Variants in SYCP3 observed in about 807,000 individuals in gnomAD.
SYCP3 encodes the protein synaptonemal complex protein 3.
Under a neutral mutation model 38.5 loss-of-function variants are expected in SYCP3, and 29 were observed. The observed-to-expected ratio is 0.75, with a 90% CI of 0.56 to 1.03. The LOEUF (loss-of-function observed/expected upper bound fraction) is 1.03, where lower values mean the gene tolerates loss of function less well. Ranked by LOEUF, SYCP3 falls within the 50% of genes least tolerant of loss-of-function variation. SYCP3 has a pLI of 0.00. For synonymous variants in SYCP3, 79 were observed against 80.3 expected (o/e 0.98, Z 0.08); for missense variants, 242 against 270.7 (o/e 0.89, Z 0.74).
chr12:101,738,918 G>A (rs1432483842), intron 1 of SYCP3, among the ~76,000 whole-genome samples: 2 of 152,326 alleles, frequency 1.3e-5, no homozygotes, highest in East Asian at 3.9e-4. Context: ...GTTGCTGGCG[G>A]GACACGACAT....
intron 4 of SYCP3, among the ~76,000 whole-genome samples, chr12:101,736,758 A>C (rs907007571): frequency 6.6e-6 from 1 of 151,850 alleles, no homozygotes; most frequent in African/African-American, 2.4e-5. Context: ...TAGTCTGTGA[A>C]TACAAAGAAG....
chr12:101,734,888 C>G lies in SYCP3; in HGVS notation c.353+39G>C, dbSNP rs764150030. 2.3e-6 allele frequency: 3 copies of G among 1,313,908 alleles called. No homozygotes were observed. The South Asian group carries it at 3.5e-5, about 16-fold the overall frequency. 81.4% of individuals were successfully genotyped at this position (1,313,908 alleles called of 1,614,324 possible). The stretch of plus-strand genomic sequence containing the variant: ...CATAAGTAATTTATACCAGTAAATA[C>G]TAAGAAATGTGGCTCTAAAAAAAAA... On this transcript the variant is annotated intron_variant, in intron 5 of 8. Coordinates refer to ENST00000392924, the MANE Select transcript of SYCP3 (RefSeq NM_001177949.2).
At chr12:101,731,967 C>A in intron 6 of SYCP3, 1 of 256,096 alleles carries the variant, frequency 3.9e-6, no homozygotes, top group Non-Finnish European at 7.6e-6. Flanking sequence ...CGTTTCGTGA[C>A]CTGTTTCTCA....
chr12:101,734,493 T>C (rs949573890), intron 5 of SYCP3, among the ~76,000 whole-genome samples: 1 of 152,204 alleles, frequency 6.6e-6, no homozygotes, highest in Non-Finnish European at 1.5e-5. Flanking sequence ...ATAATGTCAA[T>C]TCTATGAAGG....
In SYCP3 at chr12:101,733,627, T is replaced by A; in HGVS notation, c.401A>T (p.Gln134Leu). 1 of 1,612,388 alleles carries A rather than the reference T, an allele frequency of 6.2e-7. No individual in the cohort carries two copies. The highest frequency in any genetic ancestry group is 8.5e-7 in the Non-Finnish European group (1 of 1,179,966). ...TTTCTGCATATCTAAATCCCACTGC[T>A]GAAACAAAGTCAGAAACTGCTGAGA... ...EYSQQFLTLFQQWDLDMQKAE... is the reference protein window; with the variant it reads ...EYSQQFLTLFLQWDLDMQKAE... The change falls in exon 6 of 9, where the codon CAG becomes CTG. Residue 134 changes from glutamine to leucine, a missense_variant. By Grantham distance (113) the Gln-to-Leu change is moderately radical. Coordinates refer to ENST00000392924, the MANE Select transcript of SYCP3 (RefSeq NM_001177949.2).
chr12:101,729,705 A>T (rs2137044350), intron 7 of SYCP3: 1 of 154,024 alleles, frequency 6.5e-6, no homozygotes, highest in African/African-American at 2.4e-5. Flanking sequence ...GGTGTGTATT[A>T]AGTGCTGTAG....
Position 101,737,822 on chromosome 12 carries a change from T to G in SYCP3, c.114A>C (p.Ser38=). The G allele has an allele frequency of 6.2e-7, 1 of 1,614,240 alleles. No homozygotes were observed. Among genetic ancestry groups the G allele is most frequent in the Non-Finnish European group, 8.5e-7 (1 of 1,180,048 alleles). ...CTGCACCTTCAATAACATCTTCCTC[T>G]GATCCACTCAGATCTTTCTTATCTT... The part of the protein sequence containing the change: ...ETEDKKDLSG[S]EEDVIEGKTA... The change falls in exon 2 of 9, where the codon TCA becomes TCC. Residue 38 remains serine (S), a synonymous_variant. Coordinates refer to ENST00000392924, the MANE Select transcript of SYCP3 (RefSeq NM_001177949.2).
intron 4 of SYCP3, among the ~76,000 whole-genome samples, chr12:101,736,232 A>G (rs893808186): frequency 3.3e-5 from 5 of 152,130 alleles, no homozygotes; most frequent in Admixed American, 6.6e-5. Context: ...ATGCTTTGCT[A>G]AACATAAGCC....
At chr12:101,735,078 T>G (rs1051640675) in intron 4 of SYCP3, 34 bp from the exon 5 acceptor site, 1 of 1,457,206 alleles carries the variant, frequency 6.9e-7, no homozygotes, top group Admixed American at 1.7e-5. Context: ...TAAAATTTAA[T>G]GTTGAAAAAA....
intron 2 of SYCP3, 96 bp downstream of exon 2, chr12:101,737,707 T>G (rs1276851622): frequency 1.3e-6 from 2 of 1,570,446 alleles, no homozygotes; most frequent in African/African-American, 2.7e-5. Context: ...AGACCATACC[T>G]GAAAATGCTT....
Position 101,734,937 on chromosome 12 carries a change from G to C in SYCP3, c.343C>G (p.Gln115Glu). The C allele has an allele frequency of 1.9e-6, 3 of 1,607,106 alleles. No individual in the cohort carries two copies. Among genetic ancestry groups the C allele is most frequent in the Non-Finnish European group, 2.6e-6 (3 of 1,173,916 alleles). Residue 115 changes from glutamine (Q) to glutamate (E), a missense_variant, in exon 5 of 9, where the codon CAA becomes GAA. Coordinates refer to ENST00000392924, the MANE Select transcript of SYCP3 (RefSeq NM_001177949.2). ...QKIEHVWKTQ[Q>E]DQRQKLNQEY... The stretch of plus-strand genomic sequence containing the variant: ...AAGCAACCACCTTACCTTTGATCTT[G>C]TTGTGTTTTCCAAACATGTTCAATT...
chr12:101,735,871 A>ATATATATATATATTTTT lies in SYCP3; in HGVS notation c.236-828_236-827insAAAAATATATATATATA. On this transcript the variant is annotated intron_variant, in intron 4 of 8. Coordinates refer to ENST00000392924, the MANE Select transcript of SYCP3 (RefSeq NM_001177949.2). Reference sequence around the variant, plus strand: ...CAATTTTATATATATATATATATATATTTTTTTTTTTTTAAAGACACGGGG... The same window carrying ATATATATATATATTTTT: ...CAATTTTATATATATATATATATATATATATATATATATTTTTTTTTTTTTTTTTTAAAGACACGGGG... Among the ~76,000 whole-genome samples, 44 of 74,744 alleles carry ATATATATATATATTTTT rather than the reference A, an allele frequency of 5.9e-4. 4 individuals are homozygous for ATATATATATATATTTTT. Among genetic ancestry groups the ATATATATATATATTTTT allele is most frequent in the African/African-American group, 2.7e-3 (43 of 15,922 alleles). The allele number at this position is 74,744 out of a possible 152,430, so 49.0% of individuals were successfully genotyped here.
rs551822370 is a variant in SYCP3 at position 101,733,856 on chromosome 12, TAACA to T, written c.354-186_354-183del. 2.2e-4 allele frequency among the ~76,000 whole-genome samples: 33 copies of T among 152,314 alleles called. 1 individual carries two copies. The South Asian group carries it at 6.2e-3, about 29-fold the overall frequency. ...ACTGATTCCAGAAGTATTTTTTTTC[TAACA>T]AACTAATAGAAGAAAAGCCCTGTCA... is the stretch of plus-strand genomic sequence containing the variant. On this transcript the variant is annotated intron_variant, in intron 5 of 8. Transcript: ENST00000392924.
rs1486548170 is a variant in SYCP3, at chr12:101,728,920, A to C, written c.*7T>G. 1 of 1,613,386 alleles carries C rather than the reference A, an allele frequency of 6.2e-7. No homozygotes were observed. On this transcript the variant is annotated 3_prime_UTR_variant, in exon 9 of 9. Coordinates refer to ENST00000392924, the MANE Select transcript of SYCP3 (RefSeq NM_001177949.2). Reference sequence around the variant, plus strand: ...ACTTAGGTTCAAGTTCTTTCTTCAAAGAGTCATCAGAATAACATGGATTGA... The same window carrying C: ...ACTTAGGTTCAAGTTCTTTCTTCAACGAGTCATCAGAATAACATGGATTGA...
At chr12:101,735,871 A>ATATATATATATATATATATTTTTTTTTTT in intron 4 of SYCP3, among the ~76,000 whole-genome samples, 356 of 74,054 alleles carry the variant, frequency 4.8e-3, no homozygotes, top group Middle Eastern at 7.0e-3. Flanking sequence ...ATATATATAT[A>ATATATATATATATATATATTTTTTTTTTT]TTTTTTTTTT....
At chr12:101,737,342 G>C in intron 2 of SYCP3, 44 bp from the exon 3 acceptor site, 1 of 1,505,794 alleles carries the variant, frequency 6.6e-7, no homozygotes, top group Non-Finnish European at 9.0e-7. Flanking sequence ...TTTTGAAACT[G>C]AATAGGTTAT....
At chr12:101,731,858 A>G (rs1349657182) in intron 6 of SYCP3, 192 bp from the exon 7 acceptor site, 4 of 424,948 alleles carry the variant, frequency 9.4e-6, no homozygotes, top group Non-Finnish European at 1.7e-5. Context: ...TAATTCTACC[A>G]GTTGCTGAAT....
Position 101,729,144 on chromosome 12 carries a change from T to C in SYCP3, c.622A>G (p.Met208Val), listed in dbSNP as rs772638549. 6.2e-7 allele frequency: 1 copy of C among 1,612,698 alleles called. No individual in the cohort carries two copies. Among genetic ancestry groups the C allele is most frequent in the African/African-American group, 1.3e-5 (1 of 74,904 alleles). ...TGAQNEFKKEMAMLQKKIMME... is the reference protein window; with the variant it reads ...TGAQNEFKKEVAMLQKKIMME... ...ATAATTTTTTTTTGCAACATAGCCA[T>C]TTCTTTTTTAAATTCATTTTGTGCA... Residue 208 changes from methionine to valine, a missense_variant, in exon 8 of 9, where the codon ATG (methionine) becomes GTG (valine). Met to Val is a conservative substitution (Grantham distance 21). Coordinates refer to ENST00000392924, the MANE Select transcript of SYCP3 (RefSeq NM_001177949.2).
intron 6 of SYCP3, 115 bp downstream of exon 6, chr12:101,733,460 C>G (rs1050645541): frequency 1.6e-5 from 15 of 909,348 alleles, no homozygotes; most frequent in Non-Finnish European, 2.5e-5. Flanking sequence ...GTTTAAAACA[C>G]ATGGCCAGCA....
Sources: gnomAD v4.1 joint callset for allele counts (sites outside exome capture counted in the v4.1 genomes callset) on GRCh38, gnomAD v4.1.1 for gene constraint, MANE v1.5 for transcripts, NCBI Gene and HGNC (gene_info 2026-07-23, HGNC 2026-07-21) for gene names.